The following PAK5 variants were observed in gnomAD, a reference collection of about 807,000 sequenced individuals.
PAK5 encodes p21 (RAC1) activated kinase 5, also known as serine/threonine-protein kinase PAK 5.
In PAK5, 16 loss-of-function variants were observed where a neutral mutation model predicts 65.9. The ratio of observed to expected loss-of-function variants is 0.24; its 90% CI spans 0.16 to 0.37. The LOEUF is 0.37. Among genes scored for constraint, PAK5 ranks in the 10% least tolerant of loss-of-function variants. The probability of loss-of-function intolerance (pLI) is 1.00; values close to 1 mark genes in which losing one functional copy is unlikely to be tolerated. For synonymous variants in PAK5, 371 were observed against 354.9 expected (o/e 1.05, Z -0.51); for missense variants, 785 against 903.9 (o/e 0.87, Z 1.69).
At chr20:9,705,972 A>G (rs1287844983) in intron 2 of PAK5, among the ~76,000 whole-genome samples, 1 of 152,138 alleles carries the variant, frequency 6.6e-6, no homozygotes, top group African/African-American at 2.4e-5. Context: ...CCACACTTGC[A>G]ACACAGACCC....
intron 3 of PAK5, among the ~76,000 whole-genome samples, chr20:9,583,534 A>G (rs538845238): frequency 5.3e-5 from 8 of 152,228 alleles, no homozygotes; most frequent in Admixed American, 2.0e-4. Flanking sequence ...ACCCCCTTCA[A>G]TGAGGTTATG....
At position 9,819,666 on chromosome 20, in the gene PAK5, G is replaced by A. The variant is rs142497280; in HGVS notation, c.-162+19096C>T. On this transcript the variant is annotated intron_variant, in intron 1 of 9. Transcript: ENST00000353224. ...CTCTACCCCCGTTCTCTGTCAAGGT[G>A]GTTTGGGAGAAAGTAACTCCACTCT... 5.2e-3 allele frequency among the ~76,000 whole-genome samples: 788 copies of A among 152,132 alleles called. 5 individuals carry two copies. The highest frequency in any genetic ancestry group is 0.018 in the African/African-American group (752 of 41,494).
At chr20:9,553,244 C>T (rs1231144166) in intron 7 of PAK5, among the ~76,000 whole-genome samples, 2 of 152,022 alleles carry the variant, frequency 1.3e-5, no homozygotes, top group African/African-American at 2.4e-5. Context: ...TCATGTGTTG[C>T]CAACTAGTCA....
At chr20:9,826,984 C>A (rs896447613) in intron 1 of PAK5, among the ~76,000 whole-genome samples, 2 of 152,156 alleles carry the variant, frequency 1.3e-5, no homozygotes, top group Admixed American at 6.5e-5. Flanking sequence ...GTTTGCTTCA[C>A]CACTTTCTCT....
chr20:9,554,777 T>C (rs2122942216), intron 7 of PAK5, among the ~76,000 whole-genome samples: 1 of 152,306 alleles, frequency 6.6e-6, no homozygotes, highest in East Asian at 1.9e-4. Context: ...GTCAATATGA[T>C]GCACTGTTCT....
intron 2 of PAK5, among the ~76,000 whole-genome samples, chr20:9,677,071 GTGTGTGTGTGTGTGTGT>G (rs1328322249): frequency 4.0e-5 from 6 of 151,630 alleles, no homozygotes; most frequent in African/African-American, 7.3e-5. Context: ...GTGTGTGTGT[GTGTGTGTGTGTGTGTGT>G]TTGTTGTTAT....
At chr20:9,827,799 ATG>A in intron 1 of PAK5, among the ~76,000 whole-genome samples, 1 of 147,940 alleles carries the variant, frequency 6.8e-6, no homozygotes, top group Non-Finnish European at 1.5e-5. Flanking sequence ...AAGGGGGCAC[ATG>A]CAAAAAATGT....
chr20:9,789,839 G>C (rs2049031225), intron 1 of PAK5, among the ~76,000 whole-genome samples: 1 of 152,068 alleles, frequency 6.6e-6, no homozygotes, highest in Non-Finnish European at 1.5e-5. Context: ...ATATGGGTTG[G>C]CATCAGTCAA....
intron 2 of PAK5, among the ~76,000 whole-genome samples, chr20:9,704,091 C>T (rs1026807964): frequency 6.6e-6 from 1 of 152,128 alleles, no homozygotes; most frequent in Non-Finnish European, 1.5e-5. Flanking sequence ...ATGAACTCAT[C>T]CCACGTCTCC....
intron 3 of PAK5, among the ~76,000 whole-genome samples, chr20:9,605,883 T>C (rs2046444889): frequency 6.6e-6 from 1 of 152,080 alleles, no homozygotes; most frequent in Non-Finnish European, 1.5e-5. Flanking sequence ...TGAGCCGAGA[T>C]GGCGCTACTG....
In PAK5 at chr20:9,724,081, T is replaced by G. The variant is rs796980312; in HGVS notation, c.-161-12646A>C. ...TGCGCATTACAAATGTAGCAGAAAA[T>G]TTGTAACAGAAACTGAAGCATAAAT... On this transcript the variant is annotated intron_variant, in intron 1 of 9. Transcript: ENST00000353224. Among the ~76,000 whole-genome samples the G allele has an allele frequency of 7.2e-5, 11 of 152,124 alleles. No individual in the cohort carries two copies. The East Asian group carries it at 1.5e-3, about 21-fold the overall frequency.
chr20:9,710,202 T>G (rs889626463), intron 2 of PAK5, among the ~76,000 whole-genome samples: 2 of 152,056 alleles, frequency 1.3e-5, no homozygotes, highest in Admixed American at 1.3e-4. Context: ...TTCTTAGAAG[T>G]CAGGAGCCAT....
chr20:9,759,943 T>C (rs1176674487), intron 1 of PAK5, among the ~76,000 whole-genome samples: 1 of 152,192 alleles, frequency 6.6e-6, no homozygotes, highest in African/African-American at 2.4e-5. Context: ...TAAAACCTTT[T>C]AGGAAAGAAT....
intron 3 of PAK5, among the ~76,000 whole-genome samples, chr20:9,617,397 C>A (rs2046677300): frequency 6.6e-6 from 1 of 151,996 alleles, no homozygotes; most frequent in African/African-American, 2.4e-5. Context: ...GTAATTCTTC[C>A]CAGACGATTT....
chr20:9,541,771 AC>A (rs1383367829), intron 9 of PAK5, among the ~76,000 whole-genome samples: 1 of 152,012 alleles, frequency 6.6e-6, no homozygotes, highest in African/African-American at 2.4e-5. Context: ...CAAGGGAGGG[AC>A]TTGGTGGAAG....
Position 9,580,633 on chromosome 20 carries a change from G to T in PAK5, c.502C>A (p.Gln168Lys), listed in dbSNP as rs1197179795. 1 of 1,613,896 alleles carries T rather than the reference G, an allele frequency of 6.2e-7. No individual in the cohort carries two copies. The highest frequency in any genetic ancestry group is 1.3e-5 in the African/African-American group (1 of 74,872). ...TTCATTTTCATTACGTGCCCATTTT[G>T]CTTGGCTGCGTGGCTGCCTCTATAA... ...PYYRGSHAAK[Q>K]NGHVMKMKHG... The change falls in exon 4 of 10, where the codon CAA becomes AAA. Residue 168 changes from glutamine (Q) to lysine (K), a missense_variant. Transcript: ENST00000353224.
At chr20:9,589,867 A>G (rs1439771090) in intron 3 of PAK5, among the ~76,000 whole-genome samples, 1 of 152,112 alleles carries the variant, frequency 6.6e-6, no homozygotes, top group African/African-American at 2.4e-5. Context: ...ATGGGGTTTC[A>G]CCATGTTGGC....
At chr20:9,599,978 T>G (rs2046333195) in intron 3 of PAK5, among the ~76,000 whole-genome samples, 2 of 152,224 alleles carry the variant, frequency 1.3e-5, no homozygotes, top group Admixed American at 6.5e-5. Flanking sequence ...TTTTATAGTT[T>G]TAACTTCTGT....
chr20:9,590,185 G>A (rs1373411962), intron 3 of PAK5, among the ~76,000 whole-genome samples: 1 of 152,036 alleles, frequency 6.6e-6, no homozygotes, highest in Non-Finnish European at 1.5e-5. Flanking sequence ...TGCCCAGGGT[G>A]GTCTCAAACT....
Sources: gnomAD v4.1 joint callset for allele counts (sites outside exome capture counted in the v4.1 genomes callset) on GRCh38, gnomAD v4.1.1 for gene constraint, MANE v1.5 for transcripts, NCBI Gene and HGNC (gene_info 2026-07-23, HGNC 2026-07-21) for gene names.